The following IRAK1BP1 variants were observed in gnomAD, a reference collection of about 807,000 sequenced individuals.
IRAK1BP1 encodes the protein interleukin-1 receptor-associated kinase 1-binding protein 1.
A neutral mutation model predicts 28.0 loss-of-function variants in IRAK1BP1; 24 were observed. That is an observed-to-expected ratio of 0.86 (90% CI 0.62 to 1.20). IRAK1BP1 has a LOEUF of 1.20. Ranked by LOEUF, IRAK1BP1 falls within the 50% of genes most tolerant of loss-of-function variation. The probability of loss-of-function intolerance (pLI) is 0.00; values close to 1 mark genes in which losing one functional copy is unlikely to be tolerated. For missense variants in IRAK1BP1, 336 were observed against 316.7 expected (o/e 1.06, Z -0.46); for synonymous variants, 131 against 116.3 (o/e 1.13, Z -0.81).
chr6:78,935,941 T>C (rs1420697277), intron 4 of IRAK1BP1: 1 of 156,514 alleles, frequency 6.4e-6, no homozygotes, highest in Non-Finnish European at 1.4e-5. Flanking sequence ...CAGGTATTCT[T>C]ACACATACAT....
chr6:78,977,791 C>A, the IRAK1BP1 span, among the ~76,000 whole-genome samples: 1 of 152,126 alleles, frequency 6.6e-6, no homozygotes, highest in Non-Finnish European at 1.5e-5. Context: ...TCGTATGAGG[C>A]AAGTAGGATT....
intron 4 of IRAK1BP1, chr6:78,940,837 C>T (rs745809630): frequency 1.2e-6 from 2 of 1,613,974 alleles, no homozygotes; most frequent in Non-Finnish European, 1.7e-6. Context: ...AGAAAGCTGT[C>T]CTTCGACCTT....
chr6:78,933,051 C>G (rs779115640), intron 4 of IRAK1BP1, among the ~76,000 whole-genome samples: 1 of 151,808 alleles, frequency 6.6e-6, no homozygotes, highest in African/African-American at 2.4e-5. Context: ...TTCTTAAGGG[C>G]CCTAGAATTT....
At chr6:78,976,144 C>T in the IRAK1BP1 span, among the ~76,000 whole-genome samples, 1 of 149,862 alleles carries the variant, frequency 6.7e-6, no homozygotes, top group Non-Finnish European at 1.5e-5. Flanking sequence ...GCTACAGTAA[C>T]CAAAACAGCA....
At chr6:78,935,264 A>G (rs1240872041) in intron 4 of IRAK1BP1, among the ~76,000 whole-genome samples, 1 of 152,116 alleles carries the variant, frequency 6.6e-6, no homozygotes, top group Non-Finnish European at 1.5e-5. Context: ...ATTTTAACAA[A>G]ACATCTTAGG....
intron 4 of IRAK1BP1, among the ~76,000 whole-genome samples, chr6:78,908,867 C>A (rs1772331401): frequency 6.6e-6 from 1 of 152,144 alleles, no homozygotes; most frequent in Non-Finnish European, 1.5e-5. Flanking sequence ...AGGTTTATTT[C>A]TTGATGTATG....
chr6:78,971,861 C>A, the IRAK1BP1 span, among the ~76,000 whole-genome samples: 1 of 151,856 alleles, frequency 6.6e-6, no homozygotes, highest in Non-Finnish European at 1.5e-5. Context: ...TATCCCGCAC[C>A]TGGCTCGGAG....
intron 4 of IRAK1BP1, among the ~76,000 whole-genome samples, chr6:78,923,999 A>AT (rs1772816935): frequency 6.6e-6 from 1 of 152,222 alleles, no homozygotes; most frequent in East Asian, 1.9e-4. Flanking sequence ...TAACATTACA[A>AT]TTAAAAGAAC....
At chr6:78,964,438 T>A in the IRAK1BP1 span, among the ~76,000 whole-genome samples, 1 of 152,152 alleles carries the variant, frequency 6.6e-6, no homozygotes, top group Non-Finnish European at 1.5e-5. Flanking sequence ...AAATTAGATG[T>A]TTTCCTTTTT....
intron 4 of IRAK1BP1, among the ~76,000 whole-genome samples, chr6:78,914,215 A>G (rs1374558662): frequency 6.6e-6 from 1 of 152,174 alleles, no homozygotes; most frequent in Non-Finnish European, 1.5e-5. Context: ...GGAGAAAAAG[A>G]GTGTTTGTTA....
At chr6:78,921,480 T>C (rs567237803) in intron 4 of IRAK1BP1, among the ~76,000 whole-genome samples, 1 of 152,336 alleles carries the variant, frequency 6.6e-6, no homozygotes, top group South Asian at 2.1e-4. Flanking sequence ...CCTGCCTCTG[T>C]AGACTCCACC....
chr6:78,870,048 G>A (rs923913480), intron 1 of IRAK1BP1, among the ~76,000 whole-genome samples: 9 of 137,032 alleles, frequency 6.6e-5, no homozygotes, highest in Non-Finnish European at 1.4e-4. Flanking sequence ...GGCGGAGGTT[G>A]CAGTCAGCTG....
chr6:78,919,465 A>G (rs1021263168), intron 4 of IRAK1BP1, among the ~76,000 whole-genome samples: 1 of 152,194 alleles, frequency 6.6e-6, no homozygotes, highest in Admixed American at 6.5e-5. Flanking sequence ...CAAAGAAAAA[A>G]AGAGAGAAAA....
exon 5 of IRAK1BP1, chr6:78,946,202 C>A: frequency 6.2e-7 from 1 of 1,613,318 alleles, no homozygotes; most frequent in Non-Finnish European, 8.5e-7. Flanking sequence ...GTAGAGAATG[C>A]AGAGGTAGAG....
intron 4 of IRAK1BP1, among the ~76,000 whole-genome samples, chr6:78,921,382 C>G (rs1259904899): frequency 6.6e-6 from 1 of 152,210 alleles, no homozygotes; most frequent in African/African-American, 2.4e-5. Flanking sequence ...GGGGGAGGGG[C>G]GCCCATCATT....
intron 2 of IRAK1BP1, among the ~76,000 whole-genome samples, chr6:78,893,928 A>G (rs2127652128): frequency 6.6e-6 from 1 of 152,268 alleles, no homozygotes; most frequent in East Asian, 1.9e-4. Context: ...TGACTAAATA[A>G]ATGATAATGA....
chr6:78,955,659 A>T, the IRAK1BP1 span: 1 of 1,084,546 alleles, frequency 9.2e-7, no homozygotes, highest in Non-Finnish European at 1.4e-6. Context: ...ATAAAGTGGA[A>T]TTATGTTATA....
At chr6:78,879,211 T>C (rs889261498) in intron 1 of IRAK1BP1, among the ~76,000 whole-genome samples, 2 of 150,818 alleles carry the variant, frequency 1.3e-5, no homozygotes, top group Non-Finnish European at 1.5e-5. Context: ...GGGGTGGGGG[T>C]AGGGGGTAGG....
chr6:78,920,293 A>G (rs1394480575), intron 4 of IRAK1BP1, among the ~76,000 whole-genome samples: 1 of 152,032 alleles, frequency 6.6e-6, no homozygotes, highest in South Asian at 2.1e-4. Flanking sequence ...ACTATTCTAA[A>G]CTCATATGGA....
Sources: gnomAD v4.1 joint callset for allele counts (sites outside exome capture counted in the v4.1 genomes callset) on GRCh38, gnomAD v4.1.1 for gene constraint, MANE v1.5 for transcripts, NCBI Gene and HGNC (gene_info 2026-07-23, HGNC 2026-07-21) for gene names.